SIK3: variants seen among roughly 807,000 people sequenced by gnomAD.
SIK3 encodes SIK family kinase 3, also known as serine/threonine-protein kinase SIK3.
In SIK3, 28 loss-of-function variants were observed where a neutral mutation model predicts 144.2. The ratio of observed to expected loss-of-function variants is 0.19; its 90% CI spans 0.14 to 0.27. The LOEUF is 0.27. Among genes scored for constraint, SIK3 ranks in the 10% least tolerant of loss-of-function variants. SIK3 has a pLI of 1.00. For missense variants in SIK3, 1,319 were observed against 1,776.0 expected (o/e 0.74, Z 4.62); for synonymous variants, 686 against 676.3 (o/e 1.01, Z -0.22).
intron 1 of SIK3, among the ~76,000 whole-genome samples, chr11:116,982,653 A>G (rs1591475778): frequency 6.6e-6 from 1 of 151,742 alleles, no homozygotes; most frequent in Non-Finnish European, 1.5e-5. Flanking sequence ...ATACATTTTT[A>G]CCTTTCCTAG....
At chr11:117,081,891 C>T (rs571100443) in intron 1 of SIK3, among the ~76,000 whole-genome samples, 4 of 152,140 alleles carry the variant, frequency 2.6e-5, no homozygotes, top group South Asian at 2.1e-4. Context: ...ATCATGTATC[C>T]GATAAGGGAC....
chr11:116,898,744 C>T (rs948633098), intron 4 of SIK3, among the ~76,000 whole-genome samples: 1 of 150,900 alleles, frequency 6.6e-6, no homozygotes, highest in Non-Finnish European at 1.5e-5. Flanking sequence ...AGCATTTTTT[C>T]ATGTGTTTTT....
intron 1 of SIK3, among the ~76,000 whole-genome samples, chr11:117,004,579 G>T (rs766613456): frequency 2.1e-4 from 32 of 152,156 alleles, no homozygotes; most frequent in Non-Finnish European, 4.3e-4. Context: ...AAATACTTGG[G>T]TAAGTGCATT....
intron 6 of SIK3, among the ~76,000 whole-genome samples, chr11:116,879,476 G>A (rs1259370789): frequency 6.6e-6 from 1 of 152,190 alleles, no homozygotes; most frequent in Non-Finnish European, 1.5e-5. Context: ...CTTCTAAGCT[G>A]TGCTCTTGAC....
intron 4 of SIK3, among the ~76,000 whole-genome samples, chr11:116,926,252 G>A (rs1041119538): frequency 2.6e-5 from 4 of 152,010 alleles, no homozygotes; most frequent in African/African-American, 9.7e-5. Context: ...GGAAAGTGTC[G>A]GCAAACATAA....
intron 1 of SIK3, among the ~76,000 whole-genome samples, chr11:117,059,843 T>G (rs1356873883): frequency 6.6e-6 from 1 of 152,154 alleles, no homozygotes; most frequent in Non-Finnish European, 1.5e-5. Flanking sequence ...TTCAAAGCAG[T>G]GACAACATCA....
chr11:117,006,464 G>A (rs1951049679), intron 1 of SIK3, among the ~76,000 whole-genome samples: 1 of 152,136 alleles, frequency 6.6e-6, no homozygotes, highest in African/African-American at 2.4e-5. Context: ...AAACAAGGAA[G>A]GGGTATGAGG....
chr11:116,927,716 T>A (rs1947352439), intron 3 of SIK3, among the ~76,000 whole-genome samples: 1 of 152,156 alleles, frequency 6.6e-6, no homozygotes, highest in South Asian at 2.1e-4. Context: ...TGCACAGACA[T>A]GAGCAAACAC....
At chr11:116,955,595 G>A (rs1177432046) in intron 2 of SIK3, among the ~76,000 whole-genome samples, 1 of 152,068 alleles carries the variant, frequency 6.6e-6, no homozygotes, top group Non-Finnish European at 1.5e-5. Context: ...TCTTGAGAAA[G>A]GTCAGCCTAA....
chr11:116,893,441 C>G (rs1005308063), intron 6 of SIK3, among the ~76,000 whole-genome samples: 4 of 152,046 alleles, frequency 2.6e-5, no homozygotes, highest in African/African-American at 9.7e-5. Context: ...CTTTGGGAGG[C>G]CAAGGCAGGC....
At chr11:116,847,877 T>C (rs531079430) in intron 22 of SIK3, among the ~76,000 whole-genome samples, 1 of 152,352 alleles carries the variant, frequency 6.6e-6, no homozygotes, top group East Asian at 1.9e-4. Context: ...CATGGCCTTC[T>C]AAAACCAGGT....
chr11:116,966,782 CT>C (rs200409176), intron 1 of SIK3, among the ~76,000 whole-genome samples: 4,723 of 151,656 alleles, frequency 0.031, 94 homozygotes, highest in Non-Finnish European at 0.035. Context: ...GGCGGACTGC[CT>C]GGGGTCAGGA....
intron 1 of SIK3, among the ~76,000 whole-genome samples, chr11:117,006,598 A>G (rs1188842532): frequency 6.6e-6 from 1 of 152,052 alleles, no homozygotes; most frequent in Non-Finnish European, 1.5e-5. Flanking sequence ...AGGAGTTGCA[A>G]ACCCAAACAA....
rs1565345209 is a variant in SIK3, at chr11:116,844,619, A to ATATATATATTATATAT, written c.*1023_*1024insATATATAATATATATA. The ATATATATATTATATAT allele has an allele frequency of 4.9e-5, 2 of 40,450 alleles. No individual in the cohort carries two copies. The highest frequency in any genetic ancestry group is 2.3e-4 in the African/African-American group (1 of 4,394). The allele number at this position is 40,450 out of a possible 1,614,324, so 2.5% of individuals were successfully genotyped here. ...ATTTTATATATATATTATATATATA[A>ATATATATATTATATAT]TATATATATAATATATTATATTATA... is the stretch of plus-strand genomic sequence containing the variant. On this transcript the variant is annotated 3_prime_UTR_variant, in exon 25 of 25. Coordinates refer to ENST00000445177, the MANE Select transcript of SIK3 (RefSeq NM_001366686.3).
At chr11:116,950,906 G>A (rs558923527) in intron 3 of SIK3, among the ~76,000 whole-genome samples, 1 of 152,246 alleles carries the variant, frequency 6.6e-6, no homozygotes, top group African/African-American at 2.4e-5. Flanking sequence ...CTCTTAGGAC[G>A]ATTTCCAGAG....
At chr11:117,001,286 A>T (rs1281403291) in intron 1 of SIK3, among the ~76,000 whole-genome samples, 1 of 152,216 alleles carries the variant, frequency 6.6e-6, no homozygotes, top group African/African-American at 2.4e-5. Flanking sequence ...CAGGTGCATC[A>T]CCTGAGGTCA....
chr11:117,058,896 G>A (rs1036938046), intron 1 of SIK3, among the ~76,000 whole-genome samples: 5 of 152,200 alleles, frequency 3.3e-5, no homozygotes, highest in African/African-American at 1.2e-4. Context: ...GATCTGCATG[G>A]CATGTGGGAA....
chr11:116,937,307 C>G (rs570755805), intron 3 of SIK3, among the ~76,000 whole-genome samples: 2 of 152,106 alleles, frequency 1.3e-5, no homozygotes, highest in African/African-American at 4.8e-5. Context: ...TGGTTACTTA[C>G]GGAAAAGGTG....
At chr11:117,097,166 C>T (rs1955510954) in intron 1 of SIK3, among the ~76,000 whole-genome samples, 1 of 152,096 alleles carries the variant, frequency 6.6e-6, no homozygotes, top group East Asian at 1.9e-4. Flanking sequence ...ATTTTACATG[C>T]ATACATATAT....
Sources: allele counts gnomAD v4.1 joint callset (sites outside exome capture counted in the v4.1 genomes callset), GRCh38; gene constraint gnomAD v4.1.1; transcripts MANE v1.5; gene names NCBI Gene and HGNC (gene_info 2026-07-23, HGNC 2026-07-21).